CCDC192: variants seen among roughly 807,000 people sequenced by gnomAD.
CCDC192 encodes the protein coiled-coil domain containing 192.
At chr5:127,808,628 T>G (rs2126994816) in intron 5 of CCDC192, among the ~76,000 whole-genome samples, 1 of 152,246 alleles carries the variant, frequency 6.6e-6, no homozygotes, top group Non-Finnish European at 1.5e-5. Context: ...CTTTGCAGAG[T>G]GAGTCTTTCC....
At chr5:127,885,131 T>G (rs1752517337) in intron 6 of CCDC192, among the ~76,000 whole-genome samples, 1 of 145,416 alleles carries the variant, frequency 6.9e-6, no homozygotes, top group Non-Finnish European at 1.5e-5. Context: ...AAAAAAAAAG[T>G]CTTCTTCCCT....
In CCDC192 at chr5:127,837,252, A is replaced by T. The variant is rs192183176; in HGVS notation, c.412-38286A>T. Among the ~76,000 whole-genome samples the T allele has an allele frequency of 2.4e-5, 2 of 81,774 alleles. 1 individual carries two copies. The highest frequency in any genetic ancestry group is 5.8e-5 in the Non-Finnish European group (2 of 34,214). 53.6% of individuals were successfully genotyped at this position (81,774 alleles called of 152,430 possible). A position where few individuals can be genotyped will look rare whatever the true frequency, so the allele number is the denominator to read the frequency against. On this transcript the variant is annotated intron_variant, in intron 5 of 6. Transcript: ENST00000514853. ...CTTTTTCACACTGCTATAAACACAT[A>T]CACAAGACTGGATAACTTATAAAGA...
intron 5 of CCDC192, among the ~76,000 whole-genome samples, chr5:127,818,659 AGCCATCAGGTAT>A (rs1256176856): frequency 6.6e-6 from 1 of 152,152 alleles, no homozygotes; most frequent in East Asian, 1.9e-4. Context: ...TGCTCCAAGA[AGCCATCAGGTAT>A]GCCAGTGATA....
intron 6 of CCDC192, among the ~76,000 whole-genome samples, chr5:127,904,004 A>G (rs1320936882): frequency 2.6e-5 from 4 of 152,330 alleles, no homozygotes; most frequent in East Asian, 3.9e-4. Flanking sequence ...GGTTAGGTTA[A>G]GGATCTTGAG....
At chr5:127,768,734 C>A (rs960698450) in intron 3 of CCDC192, among the ~76,000 whole-genome samples, 4 of 152,172 alleles carry the variant, frequency 2.6e-5, no homozygotes, top group Non-Finnish European at 5.9e-5. Context: ...ACATAAAAGT[C>A]TCTTCTGTCT....
At chr5:127,710,223 G>A (rs1373859169) in intron 2 of CCDC192, among the ~76,000 whole-genome samples, 1 of 152,130 alleles carries the variant, frequency 6.6e-6, no homozygotes, top group Non-Finnish European at 1.5e-5. Flanking sequence ...GATTACTGCT[G>A]CCTTCTTCCA....
intron 2 of CCDC192, among the ~76,000 whole-genome samples, chr5:127,720,784 T>G (rs1580529950): frequency 6.6e-6 from 1 of 152,184 alleles, no homozygotes; most frequent in Non-Finnish European, 1.5e-5. Context: ...TAACACCACA[T>G]GGAAGCCTCC....
intron 6 of CCDC192, among the ~76,000 whole-genome samples, chr5:127,916,436 A>C (rs954189613): frequency 6.6e-6 from 1 of 152,264 alleles, no homozygotes; most frequent in African/African-American, 2.4e-5. Flanking sequence ...ATGGTGAATT[A>C]TTTCCAGAAA....
At chr5:127,709,203 GAGAGAGAGAGAGAGAGAGA>G (rs1751172633) in intron 2 of CCDC192, among the ~76,000 whole-genome samples, 1 of 2,438 alleles carries the variant, frequency 4.1e-4, no homozygotes, top group African/African-American at 8.6e-4. Flanking sequence ...GAGAGAGGGG[GAGAGAGAGAGAGAGAGAGA>G]GAGAGAGAGA....
intron 2 of CCDC192, among the ~76,000 whole-genome samples, chr5:127,728,145 C>T (rs1252124307): frequency 6.6e-6 from 1 of 152,082 alleles, no homozygotes; most frequent in Non-Finnish European, 1.5e-5. Context: ...GGAGAACTTC[C>T]CCAACCTAGC....
intron 2 of CCDC192, among the ~76,000 whole-genome samples, chr5:127,713,834 T>C (rs1030642488): frequency 1.4e-4 from 22 of 152,338 alleles, no homozygotes; most frequent in African/African-American, 5.3e-4. Flanking sequence ...ACGTCAGACA[T>C]TTATAATTTC....
intron 6 of CCDC192, among the ~76,000 whole-genome samples, chr5:127,895,173 G>T (rs1455496501): frequency 6.6e-6 from 1 of 152,074 alleles, no homozygotes; most frequent in Admixed American, 6.5e-5. Context: ...TCTAACAGTG[G>T]GTCTGAATTC....
chr5:127,811,021 G>T lies in CCDC192; in HGVS notation c.411+12859G>T, dbSNP rs574832875. Among the ~76,000 whole-genome samples, 6 of 152,212 alleles carry T rather than the reference G, an allele frequency of 3.9e-5. No individual in the cohort carries two copies. In the East Asian group the frequency reaches 1.2e-3, roughly 29 times the overall value. On this transcript the variant is annotated intron_variant, in intron 5 of 6. Transcript: ENST00000514853. ...ATTCAGTGCTAAGCTTTAACAGAGG[G>T]TTTATGGCAGCTCCTGGTCTATATA...
rs138657860 is a variant in CCDC192 at position 127,761,142 on chromosome 5, T to A, written c.222+6767T>A. Among the ~76,000 whole-genome samples the A allele has an allele frequency of 7.0e-3, 1,069 of 152,344 alleles. 15 individuals are homozygous for A. Among genetic ancestry groups the A allele is most frequent in the African/African-American group, 0.024 (1,010 of 41,574 alleles). On this transcript the variant is annotated intron_variant, in intron 3 of 6. Transcript: ENST00000514853. ...GGGCATTTGTGGCTTTGCACGCTGT[T>A]CAAAGTCAAGATCAAGCCAGGTTTA... is the stretch of plus-strand genomic sequence containing the variant.
At chr5:127,858,218 T>G (rs1284411907) in intron 5 of CCDC192, among the ~76,000 whole-genome samples, 1 of 152,202 alleles carries the variant, frequency 6.6e-6, no homozygotes, top group Non-Finnish European at 1.5e-5. Context: ...CACCTCCCAT[T>G]GCTTTTAACC....
At chr5:127,770,932 C>T (rs552060367) in intron 3 of CCDC192, among the ~76,000 whole-genome samples, 1 of 152,266 alleles carries the variant, frequency 6.6e-6, no homozygotes, top group Non-Finnish European at 1.5e-5. Flanking sequence ...TGGAGAATGG[C>T]TCCTTTCTCA....
chr5:127,790,269 A>G (rs1756790725), intron 3 of CCDC192, among the ~76,000 whole-genome samples: 1 of 152,170 alleles, frequency 6.6e-6, no homozygotes, highest in Non-Finnish European at 1.5e-5. Context: ...GAATGGAAAT[A>G]TCTATCTTAT....
rs868743857 is a variant in CCDC192, at chr5:127,749,554, G to A, written c.115-4714G>A. ...GGATTTTTGCATCAATGTTCATCAA[G>A]GATATTGTTCTAAAATTCTCTTTTT... On this transcript the variant is annotated intron_variant, in intron 2 of 6. Coordinates refer to ENST00000514853, the MANE Select transcript of CCDC192 (RefSeq NM_001317938.2). Among the ~76,000 whole-genome samples the A allele has an allele frequency of 8.1e-4, 123 of 151,990 alleles. No individual in the cohort carries two copies. The Middle Eastern group carries it at 0.02, about 25-fold the overall frequency.
chr5:127,849,479 C>G (rs1178622601), intron 5 of CCDC192, among the ~76,000 whole-genome samples: 2 of 152,034 alleles, frequency 1.3e-5, no homozygotes, highest in Admixed American at 6.6e-5. Context: ...CTCAGGAATT[C>G]CAGAATATAG....
Sources: allele counts gnomAD v4.1 joint callset (sites outside exome capture counted in the v4.1 genomes callset), GRCh38; gene constraint gnomAD v4.1.1; transcripts MANE v1.5; gene names NCBI Gene and HGNC (gene_info 2026-07-23, HGNC 2026-07-21).